TTC6: variants seen among roughly 807,000 people sequenced by gnomAD.
The protein encoded by TTC6 is tetratricopeptide repeat protein 6.
Under a neutral mutation model 210.4 loss-of-function variants are expected in TTC6, and 172 were observed. That is an observed-to-expected ratio of 0.82 (90% CI 0.72 to 0.93). The LOEUF (loss-of-function observed/expected upper bound fraction) is 0.93. Among genes scored for constraint, TTC6 ranks in the 40% least tolerant of loss-of-function variants. The pLI, the probability that TTC6 is intolerant of heterozygous loss-of-function variation, is 0.00. For synonymous variants in TTC6, 804 were observed against 819.6 expected (o/e 0.98, Z 0.32); for missense variants, 2,414 against 2,318.1 (o/e 1.04, Z -0.85).
intron 1 of TTC6, among the ~76,000 whole-genome samples, chr14:37,637,039 T>G (rs1434413439): frequency 1.3e-5 from 2 of 152,040 alleles, no homozygotes; most frequent in Admixed American, 6.6e-5. Flanking sequence ...AGCAGTTAAC[T>G]TCATTTCAAC....
At chr14:37,727,670 A>G (rs2095876373) in intron 7 of TTC6, among the ~76,000 whole-genome samples, 1 of 152,054 alleles carries the variant, frequency 6.6e-6, no homozygotes, top group South Asian at 2.1e-4. Context: ...GTAATTTATG[A>G]GTTTTCTTCT....
chr14:37,792,387 T>A lies in TTC6; in HGVS notation c.3681T>A (p.Tyr1227Ter). 1 of 1,516,926 alleles carries A rather than the reference T, an allele frequency of 6.6e-7. No homozygotes were observed. The highest frequency in any genetic ancestry group is 1.7e-4 in the Middle Eastern group (1 of 5,922). The allele number at this position is 1,516,926 out of a possible 1,614,324, so 94.0% of individuals were successfully genotyped here. Residue 1227 changes from tyrosine to a stop codon, truncating the protein, a stop_gained, in exon 17 of 31, where the codon TAT becomes TAA. Coordinates refer to ENST00000553443, the Ensembl canonical transcript of TTC6. LOFTEE classifies it high-confidence loss of function. Reference sequence around the variant, plus strand: ...TTGATCCTTTATGTATTCAAAGCTATCTTTGTCGGGCGGAAACCTATTTTA... The same window carrying A: ...TTGATCCTTTATGTATTCAAAGCTAACTTTGTCGGGCGGAAACCTATTTTA...
chr14:37,815,237 G>A (rs767287166), intron 25 of TTC6, among the ~76,000 whole-genome samples: 1 of 152,098 alleles, frequency 6.6e-6, no homozygotes, highest in Non-Finnish European at 1.5e-5. Context: ...ATGAAATAGA[G>A]ACTGAAACAA....
chr14:37,829,301 T>A (rs373721729), intron 29 of TTC6, among the ~76,000 whole-genome samples: 4 of 152,030 alleles, frequency 2.6e-5, no homozygotes, highest in African/African-American at 9.7e-5. Context: ...AGTTCTGTTA[T>A]TTTATGTAAT....
chr14:37,696,756 A>G, exon 4 of TTC6: 1 of 1,471,188 alleles, frequency 6.8e-7, no homozygotes, highest in Non-Finnish European at 9.0e-7. Context: ...AGGAAAAGAA[A>G]TTAAGCGAAT....
chr14:37,770,793 G>A (rs1394138953), intron 14 of TTC6, among the ~76,000 whole-genome samples: 8 of 147,864 alleles, frequency 5.4e-5, no homozygotes, highest in African/African-American at 2.0e-4. Flanking sequence ...GGAGCATTTA[G>A]TCCATTTACA....
chr14:37,623,977 A>G (rs1445044220), intron 1 of TTC6, among the ~76,000 whole-genome samples: 1 of 152,228 alleles, frequency 6.6e-6, no homozygotes, highest in African/African-American at 2.4e-5. Flanking sequence ...TTTGAGAATG[A>G]CAGAAGCAAG....
chr14:37,840,288 A>G (rs1314382750), intron 29 of TTC6, among the ~76,000 whole-genome samples: 1 of 152,232 alleles, frequency 6.6e-6, no homozygotes, highest in Non-Finnish European at 1.5e-5. Context: ...AGACTAAACC[A>G]GGATGAAGTT....
chr14:37,771,903 T>G (rs1157698469), intron 14 of TTC6, among the ~76,000 whole-genome samples: 2 of 152,224 alleles, frequency 1.3e-5, no homozygotes, highest in Non-Finnish European at 2.9e-5. Context: ...TTTCCAGTTT[T>G]TCTGTTCTGT....
exon 27 of TTC6, chr14:37,823,844 A>G: frequency 1.2e-6 from 2 of 1,614,062 alleles, no homozygotes; most frequent in East Asian, 2.2e-5. Context: ...AAATTCTTAC[A>G]TGGAATACGG....
chr14:37,801,092 T>C (rs879452074), intron 20 of TTC6, among the ~76,000 whole-genome samples: 5 of 152,198 alleles, frequency 3.3e-5, no homozygotes, highest in Admixed American at 6.5e-5. Flanking sequence ...TCTTCCATTT[T>C]CCCCTTTTTA....
intron 3 of TTC6, among the ~76,000 whole-genome samples, chr14:37,692,500 G>A (rs548474833): frequency 3.0e-4 from 45 of 151,964 alleles, no homozygotes; most frequent in South Asian, 8.3e-4. Flanking sequence ...TCAACATCCC[G>A]TCATGAACAA....
chr14:37,770,986 T>C (rs2139180076), intron 14 of TTC6, among the ~76,000 whole-genome samples: 1 of 126,406 alleles, frequency 7.9e-6, no homozygotes, highest in African/African-American at 2.9e-5. Context: ...GGAGCTCTTT[T>C]AGGGCAGGCC....
At chr14:37,604,452 T>C (rs2095621421) in intron 1 of TTC6, among the ~76,000 whole-genome samples, 1 of 152,178 alleles carries the variant, frequency 6.6e-6, no homozygotes, top group Admixed American at 6.5e-5. Flanking sequence ...CATTGTCCCT[T>C]CCTCCCCCTA....
At chr14:37,666,274 G>A (rs1038813430) in intron 1 of TTC6, among the ~76,000 whole-genome samples, 2 of 149,382 alleles carry the variant, frequency 1.3e-5, no homozygotes, top group Non-Finnish European at 1.5e-5. Flanking sequence ...TATACACTGG[G>A]CCTCCAAGTA....
At chr14:37,791,459 T>G (rs2096079157) in intron 16 of TTC6, among the ~76,000 whole-genome samples, 1 of 152,036 alleles carries the variant, frequency 6.6e-6, no homozygotes, top group Non-Finnish European at 1.5e-5. Context: ...TCAGAAAGAG[T>G]AACTAATCAT....
chr14:37,765,204 C>T (rs1036046193), intron 14 of TTC6, among the ~76,000 whole-genome samples: 12 of 151,822 alleles, frequency 7.9e-5, no homozygotes, highest in African/African-American at 2.9e-4. Context: ...ACTCTGTGCC[C>T]CAGGCTGGAA....
At chr14:37,806,621 C>A in intron 22 of TTC6, 111 bp downstream of exon 24, 1 of 1,039,546 alleles carries the variant, frequency 9.6e-7, no homozygotes, top group Non-Finnish European at 1.3e-6. Flanking sequence ...CTTATACCTA[C>A]TTTTCACTTA....
At chr14:37,755,956 T>G (rs2095966361) in intron 14 of TTC6, among the ~76,000 whole-genome samples, 2 of 152,206 alleles carry the variant, frequency 1.3e-5, no homozygotes, top group African/African-American at 4.8e-5. Flanking sequence ...TATGGCCATT[T>G]TCATGATAAT....
Sources: gnomAD v4.1 joint callset for allele counts (sites outside exome capture counted in the v4.1 genomes callset) on GRCh38, gnomAD v4.1.1 for gene constraint, MANE v1.5 for transcripts, NCBI Gene and HGNC (gene_info 2026-07-23, HGNC 2026-07-21) for gene names.